The following DPYSL2 variants were observed in gnomAD, a reference collection of about 807,000 sequenced individuals.
DPYSL2 encodes the protein dihydropyrimidinase like 2.
A neutral mutation model predicts 69.9 loss-of-function variants in DPYSL2; 13 were observed. The observed-to-expected ratio is 0.19, with a 90% CI of 0.12 to 0.30. The LOEUF is 0.30. DPYSL2 is among the 10% of genes least tolerant of loss of function. The probability of loss-of-function intolerance (pLI) is 1.00; values close to 1 mark genes in which losing one functional copy is unlikely to be tolerated. For missense variants in DPYSL2, 587 were observed against 918.9 expected (o/e 0.64, Z 4.67); for synonymous variants, 326 against 359.1 (o/e 0.91, Z 1.04).
chr8:26,533,688 G>T lies in DPYSL2; in HGVS notation c.354+19009G>T, dbSNP rs1800546506. Among the ~76,000 whole-genome samples, 2 of 152,208 alleles carry T rather than the reference G, an allele frequency of 1.3e-5. No homozygotes were observed. On this transcript the variant is annotated intron_variant, in intron 1 of 13. Coordinates refer to ENST00000521913, the MANE Select transcript of DPYSL2 (RefSeq NM_001197293.3). This position sits in a 1 kb window ranked among gnomAD's most constrained non-coding sequence, Gnocchi z 4.8. The stretch of plus-strand genomic sequence containing the variant: ...GCCACACAGCATTAGAGAAACCACT[G>T]GTGCCAAAAAGGCTGCATCGGGAGT...
At position 26,641,075 on chromosome 8, in the gene DPYSL2, C is replaced by G. The variant is rs1257118746; in HGVS notation, c.1127-2364C>G. ...TAAGCCTGTGGTCAGCAGCATTCAT[C>G]CCCATGGTATTCAGGCCACTTTCCA... On this transcript the variant is annotated intron_variant, in intron 8 of 13. Coordinates refer to ENST00000521913, the MANE Select transcript of DPYSL2 (RefSeq NM_001197293.3). The surrounding 1 kb of genome is among the most constrained non-coding windows in gnomAD (Gnocchi z 4.1). Among the ~76,000 whole-genome samples, 1 of 152,198 alleles carries G rather than the reference C, an allele frequency of 6.6e-6. No individual in the cohort carries two copies. Among genetic ancestry groups the G allele is most frequent in the East Asian group, 1.9e-4 (1 of 5,192 alleles).
intron 1 of DPYSL2, among the ~76,000 whole-genome samples, chr8:26,570,425 A>G (rs975871673): frequency 6.6e-6 from 1 of 152,126 alleles, no homozygotes; most frequent in Non-Finnish European, 1.5e-5. Context: ...AGTTTCTACT[A>G]AACAAGTACC....
At chr8:26,600,704 C>T (rs1039163403) in intron 3 of DPYSL2, among the ~76,000 whole-genome samples, 1 of 152,076 alleles carries the variant, frequency 6.6e-6, no homozygotes, top group Non-Finnish European at 1.5e-5. Context: ...ACCAGGGGTC[C>T]CCAGAAAGGC....
chr8:26,575,972 T>C (rs1031114292), intron 1 of DPYSL2, among the ~76,000 whole-genome samples: 4 of 152,214 alleles, frequency 2.6e-5, no homozygotes, highest in Admixed American at 2.6e-4. Context: ...TATTTTAAGC[T>C]TTCTCAGACT....
rs546046977 is a variant in DPYSL2, at chr8:26,634,093, C to T, written c.1006-687C>T. Among the ~76,000 whole-genome samples the T allele has an allele frequency of 1.1e-4, 17 of 152,322 alleles. No homozygotes were observed. In the South Asian group the frequency reaches 2.9e-3, roughly 26 times the overall value. Reference sequence around the variant, plus strand: ...GTGTCTGTGTGTGGCGGTTCTCAAACGTTAGTAAGTGTGAAAATCACCCAC... The same window carrying T: ...GTGTCTGTGTGTGGCGGTTCTCAAATGTTAGTAAGTGTGAAAATCACCCAC... On this transcript the variant is annotated intron_variant, in intron 7 of 13. Coordinates refer to ENST00000521913, the MANE Select transcript of DPYSL2 (RefSeq NM_001197293.3).
chr8:26,615,464 G>A (rs1225795640), intron 3 of DPYSL2, among the ~76,000 whole-genome samples: 1 of 152,140 alleles, frequency 6.6e-6, no homozygotes, highest in Non-Finnish European at 1.5e-5. Context: ...GGAGAGCTGG[G>A]TACTCCTGGG....
intron 1 of DPYSL2, among the ~76,000 whole-genome samples, chr8:26,539,612 T>TCACTG (rs1401753190): frequency 6.6e-6 from 1 of 152,184 alleles, no homozygotes; most frequent in Non-Finnish European, 1.5e-5. Context: ...TGATCTTAGC[T>TCACTG]CACTGCAACC....
chr8:26,570,561 A>G lies in DPYSL2; in HGVS notation c.355-11408A>G, dbSNP rs529118503. 3.9e-5 allele frequency among the ~76,000 whole-genome samples: 6 copies of G among 152,136 alleles called. No individual in the cohort carries two copies. In the South Asian group the frequency reaches 1.2e-3, roughly 32 times the overall value. On this transcript the variant is annotated intron_variant, in intron 1 of 13. Coordinates refer to ENST00000521913, the MANE Select transcript of DPYSL2 (RefSeq NM_001197293.3). ...AGACCAGCCTGGCCAACATAGTGAA[A>G]CCCCATCTCTACTAAAAATACAAAA...
At chr8:26,633,090 AACAGTGTTCTGTGG>A in intron 7 of DPYSL2, among the ~76,000 whole-genome samples, 1 of 152,380 alleles carries the variant, frequency 6.6e-6, no homozygotes, top group South Asian at 2.1e-4. Flanking sequence ...TGTGAAAAAT[AACAGTGTTCTGTGG>A]AGCAGCCTAG....
At chr8:26,559,037 G>C (rs544471927) in intron 1 of DPYSL2, among the ~76,000 whole-genome samples, 3 of 152,218 alleles carry the variant, frequency 2.0e-5, no homozygotes, top group Non-Finnish European at 4.4e-5. Context: ...CTGCCTCCCG[G>C]GTTCAAGAAA....
At chr8:26,637,746 A>G (rs1802952575) in intron 8 of DPYSL2, 1 of 152,254 alleles carries the variant, frequency 6.6e-6, no homozygotes, top group African/African-American at 2.4e-5. Flanking sequence ...TACACCAGCC[A>G]CGTGATGCTG....
At chr8:26,573,729 C>T (rs552305037) in intron 1 of DPYSL2, among the ~76,000 whole-genome samples, 52 of 146,892 alleles carry the variant, frequency 3.5e-4, no homozygotes, top group Middle Eastern at 7.4e-3. Context: ...CCCAGCTACT[C>T]GGGAGGCTGA....
chr8:26,624,977 A>G lies in DPYSL2; in HGVS notation c.793+670A>G, dbSNP rs1802583579. On this transcript the variant is annotated intron_variant, in intron 4 of 13. Transcript: ENST00000521913. This position sits in a 1 kb window ranked among gnomAD's most constrained non-coding sequence, Gnocchi z 4.7. Reference sequence around the variant, plus strand: ...TGGGTCTCGCTGGGCTTGGCTAGAGACCAGATTAACTTCACTGGATCTTAG... The same window carrying G: ...TGGGTCTCGCTGGGCTTGGCTAGAGGCCAGATTAACTTCACTGGATCTTAG... 6.6e-6 allele frequency among the ~76,000 whole-genome samples: 1 copy of G among 152,038 alleles called. No homozygotes were observed. The highest frequency in any genetic ancestry group is 1.9e-4 in the East Asian group (1 of 5,172).
chr8:26,618,778 CAAAAAAAAA>C (rs71216765), intron 3 of DPYSL2, among the ~76,000 whole-genome samples: 1 of 85,182 alleles, frequency 1.2e-5, no homozygotes, highest in African/African-American at 4.8e-5. Context: ...CCATCTCTAC[CAAAAAAAAA>C]AAAAAAAAAA....
rs380423 is a variant in DPYSL2 at position 26,571,492 on chromosome 8, C to A, written c.355-10477C>A. On this transcript the variant is annotated intron_variant, in intron 1 of 13. Coordinates refer to ENST00000521913, the MANE Select transcript of DPYSL2 (RefSeq NM_001197293.3). This position sits in a 1 kb window ranked among gnomAD's most constrained non-coding sequence, Gnocchi z 6.1. ...TCAGGGATAGAAAGACCCCAGGGAA[C>A]ATCTGTAGCCACCCAGAGAATGAGG... Among the ~76,000 whole-genome samples the A allele has an allele frequency of 0.91, 137,805 of 152,156 alleles. 62,824 individuals carry two copies. The highest frequency in any genetic ancestry group is 0.99 in the East Asian group (5,134 of 5,176).
At chr8:26,527,621 G>T (rs974434289) in intron 1 of DPYSL2, among the ~76,000 whole-genome samples, 1 of 151,950 alleles carries the variant, frequency 6.6e-6, no homozygotes, top group Admixed American at 6.6e-5. Flanking sequence ...ATGAATTGGG[G>T]GGGCTGTTGC....
Position 26,619,061 on chromosome 8 carries a change from C to A in DPYSL2, c.629-5082C>A, listed in dbSNP as rs1802423881. 6.6e-6 allele frequency among the ~76,000 whole-genome samples: 1 copy of A among 152,146 alleles called. No homozygotes were observed. Among genetic ancestry groups the A allele is most frequent in the Admixed American group, 6.5e-5 (1 of 15,286 alleles). On this transcript the variant is annotated intron_variant, in intron 3 of 13. Transcript: ENST00000521913. The surrounding 1 kb of genome is among the most constrained non-coding windows in gnomAD (Gnocchi z 4.8). ...ACTAGAATTTGGGGGCTCCTTGACC[C>A]CCAAGCCTATTCTCTTTTCACTGCT...
intron 1 of DPYSL2, among the ~76,000 whole-genome samples, chr8:26,536,532 G>A (rs1359205593): frequency 2.0e-5 from 3 of 152,032 alleles, no homozygotes; most frequent in Admixed American, 6.5e-5. Context: ...TTAGCCAGGG[G>A]TAGTGGCACA....
chr8:26,652,343 C>G lies in DPYSL2; in HGVS notation c.1683C>G (p.Asp561Glu). The change falls in exon 12 of 14, where the codon GAC becomes GAG. Residue 561 changes from aspartate to glutamate, a missense_variant. By Grantham distance (45) the Asp-to-Glu change is conservative. Transcript: ENST00000521913. This position sits in a 1 kb window ranked among gnomAD's most constrained non-coding sequence, Gnocchi z 6.3. ...VISQGKIVLE[D>E]GTLHVTEGSG... ...GCCAGGGGAAGATTGTCCTGGAGGA[C>G]GGCACCCTGCATGTCACCGAAGGCT... is the stretch of plus-strand genomic sequence containing the variant. 1 of 1,614,166 alleles carries G rather than the reference C, an allele frequency of 6.2e-7. No individual in the cohort carries two copies. Among genetic ancestry groups the G allele is most frequent in the Non-Finnish European group, 8.5e-7 (1 of 1,180,030 alleles).
Sources: gnomAD v4.1 joint callset for allele counts (sites outside exome capture counted in the v4.1 genomes callset) on GRCh38, gnomAD v4.1.1 for gene constraint, Gnocchi (gnomAD v3.1) non-coding constraint, MANE v1.5 for transcripts, NCBI Gene and HGNC (gene_info 2026-07-23, HGNC 2026-07-21) for gene names.